Variants in CCDC91 observed in about 807,000 individuals in gnomAD.
The protein encoded by CCDC91 is coiled-coil domain containing 91, also known as coiled-coil domain-containing protein 91.
CCDC91 carries 48 observed loss-of-function variants against 63.2 expected under a neutral mutation model. The ratio of observed to expected loss-of-function variants is 0.76; its 90% CI spans 0.60 to 0.97. The LOEUF is 0.97. Ranked by LOEUF, CCDC91 falls within the 50% of genes least tolerant of loss-of-function variation. The probability of loss-of-function intolerance (pLI) is 0.00; values close to 1 mark genes in which losing one functional copy is unlikely to be tolerated. For synonymous variants in CCDC91, 167 were observed against 165.8 expected (o/e 1.01, Z -0.06); for missense variants, 500 against 494.6 (o/e 1.01, Z -0.10).
chr12:28,549,079 G>A lies in CCDC91; in HGVS notation c.1232G>A (p.Arg411His), dbSNP rs768463444. The A allele has an allele frequency of 2.3e-5, 37 of 1,608,936 alleles. 1 individual carries two copies. Among genetic ancestry groups the A allele is most frequent in the East Asian group, 2.2e-4 (10 of 44,716 alleles). ...ATTAAACAGCTCGATCAAGTCATCC[G>A]CCAAAGAAGCCTGTCCAGTTTGGAA... ...KEQKRLDQVIRQRSLSSLELF... is the reference protein window; with the variant it reads ...KEQKRLDQVIHQRSLSSLELF... The change falls in exon 13 of 13, where the codon CGC becomes CAC. Residue 411 changes from arginine (R) to histidine (H), a missense_variant. Transcript: ENST00000536442.
chr12:28,318,084 T>A (rs975004885), intron 6 of CCDC91, among the ~76,000 whole-genome samples: 5 of 151,928 alleles, frequency 3.3e-5, no homozygotes, highest in African/African-American at 1.2e-4. Context: ...TCTTTTTTTA[T>A]TAGAAAAAAC....
chr12:28,411,081 T>G (rs747368328), intron 8 of CCDC91, among the ~76,000 whole-genome samples: 6 of 152,186 alleles, frequency 3.9e-5, no homozygotes, highest in African/African-American at 7.2e-5. Context: ...GTTCCTACTG[T>G]GTGGTAATGC....
At chr12:28,457,938 G>A (rs1316524641) in intron 11 of CCDC91, among the ~76,000 whole-genome samples, 2 of 151,998 alleles carry the variant, frequency 1.3e-5, no homozygotes, top group Non-Finnish European at 2.9e-5. Flanking sequence ...GAACTCCAGT[G>A]CACACAGACA....
intron 8 of CCDC91, among the ~76,000 whole-genome samples, chr12:28,405,237 C>T (rs1946861953): frequency 6.6e-6 from 1 of 152,016 alleles, no homozygotes; most frequent in South Asian, 2.1e-4. Flanking sequence ...ACTAGTAACC[C>T]ATATTCATTT....
intron 3 of CCDC91, among the ~76,000 whole-genome samples, chr12:28,275,006 G>A (rs1303594999): frequency 9.2e-5 from 14 of 151,716 alleles, no homozygotes; most frequent in East Asian, 3.9e-4. Context: ...AAATGCCCAC[G>A]AGAGAAAGCA....
chr12:28,362,547 C>A (rs1441841523), intron 7 of CCDC91, 32 bp downstream of exon 7: 9 of 1,388,296 alleles, frequency 6.5e-6, no homozygotes, highest in Non-Finnish European at 8.9e-6. Context: ...CTTTTTTAAA[C>A]CTTGGATAAC....
intron 6 of CCDC91, among the ~76,000 whole-genome samples, chr12:28,331,061 A>G (rs1328569233): frequency 1.3e-5 from 2 of 152,216 alleles, no homozygotes; most frequent in Admixed American, 6.5e-5. Context: ...TGTGTTTTCA[A>G]TAAGATATCT....
intron 12 of CCDC91, among the ~76,000 whole-genome samples, chr12:28,521,416 T>C (rs941975241): frequency 1.3e-5 from 2 of 152,206 alleles, no homozygotes; most frequent in Non-Finnish European, 2.9e-5. Flanking sequence ...TTTTGCACAT[T>C]GATTCTGTAT....
intron 3 of CCDC91, among the ~76,000 whole-genome samples, chr12:28,301,572 G>A (rs1938083265): frequency 6.6e-6 from 1 of 151,372 alleles, no homozygotes; most frequent in Non-Finnish European, 1.5e-5. Context: ...TTAATGTTAT[G>A]TTAATTGTAG....
intron 1 of CCDC91, among the ~76,000 whole-genome samples, chr12:28,241,290 T>A (rs1350726038): frequency 6.6e-6 from 1 of 152,180 alleles, no homozygotes; most frequent in Non-Finnish European, 1.5e-5. Context: ...ATATCCTTGG[T>A]CATAAAACAA....
In CCDC91 at chr12:28,359,184, G is replaced by C. The variant is rs113355517; in HGVS notation, c.577-3254G>C. 6.3e-3 allele frequency among the ~76,000 whole-genome samples: 961 copies of C among 152,122 alleles called. 9 individuals are homozygous for C. Among genetic ancestry groups the C allele is most frequent in the African/African-American group, 0.022 (922 of 41,478 alleles). ...GCTGGGATTACGGGCGTGAGCCACAGCACCCAGCCTACACACCAATACTTT... is the reference window on the plus strand; with the variant it reads ...GCTGGGATTACGGGCGTGAGCCACACCACCCAGCCTACACACCAATACTTT... On this transcript the variant is annotated intron_variant, in intron 6 of 12. Transcript: ENST00000536442.
At chr12:28,428,606 A>G (rs1380467425) in intron 8 of CCDC91, among the ~76,000 whole-genome samples, 2 of 150,952 alleles carry the variant, frequency 1.3e-5, no homozygotes, top group Admixed American at 1.3e-4. Context: ...AAAGAAAGAA[A>G]AATATCTTTT....
intron 1 of CCDC91, among the ~76,000 whole-genome samples, chr12:28,198,278 T>C (rs1187842552): frequency 6.6e-6 from 1 of 152,192 alleles, no homozygotes; most frequent in Admixed American, 6.5e-5. Flanking sequence ...ACTTCTGCAA[T>C]TGTAGTAAAG....
chr12:28,208,404 T>C (rs545048074), intron 1 of CCDC91, among the ~76,000 whole-genome samples: 1 of 152,330 alleles, frequency 6.6e-6, no homozygotes, highest in East Asian at 1.9e-4. Context: ...ATTAATATAA[T>C]TCACTAAAGT....
At chr12:28,441,579 G>A (rs1409063389) in intron 8 of CCDC91, among the ~76,000 whole-genome samples, 1 of 150,920 alleles carries the variant, frequency 6.6e-6, no homozygotes, top group Non-Finnish European at 1.5e-5. Flanking sequence ...TTTTGGCAGA[G>A]CGATGAAGCC....
chr12:28,524,027 A>T (rs11502741), intron 12 of CCDC91, among the ~76,000 whole-genome samples: 58,576 of 151,954 alleles, frequency 0.39, 11,701 homozygotes, highest in Middle Eastern at 0.46. Context: ...GAAATGAAGG[A>T]AAAAATATTA....
chr12:28,533,406 A>G (rs943602400), intron 12 of CCDC91, among the ~76,000 whole-genome samples: 28 of 152,102 alleles, frequency 1.8e-4, no homozygotes, highest in African/African-American at 5.5e-4. Flanking sequence ...TTTTCCATCA[A>G]TAGTTTACGT....
At chr12:28,343,818 G>A (rs1942612485) in intron 6 of CCDC91, among the ~76,000 whole-genome samples, 1 of 152,078 alleles carries the variant, frequency 6.6e-6, no homozygotes, top group African/African-American at 2.4e-5. Context: ...TGGTAATTTT[G>A]TAGTCCTATC....
At chr12:28,300,802 G>T (rs1365571274) in intron 3 of CCDC91, among the ~76,000 whole-genome samples, 2 of 151,440 alleles carry the variant, frequency 1.3e-5, no homozygotes, top group African/African-American at 4.8e-5. Flanking sequence ...GTGTTTTAAA[G>T]TTTTCCTCAC....
Sources: gnomAD v4.1 joint callset for allele counts (sites outside exome capture counted in the v4.1 genomes callset) on GRCh38, gnomAD v4.1.1 for gene constraint, MANE v1.5 for transcripts, NCBI Gene and HGNC (gene_info 2026-07-23, HGNC 2026-07-21) for gene names.